Variants in COL17A1 observed in about 807,000 individuals in gnomAD.
The protein encoded by COL17A1 is collagen type XVII alpha 1 chain.
A neutral mutation model predicts 218.4 loss-of-function variants in COL17A1; 181 were observed. The ratio of observed to expected loss-of-function variants is 0.83; its 90% CI spans 0.73 to 0.94. The LOEUF is 0.94. COL17A1 is among the 40% of genes least tolerant of loss of function. COL17A1 has a pLI of 0.00. For synonymous variants in COL17A1, 721 were observed against 731.0 expected (o/e 0.99, Z 0.22); for missense variants, 1,924 against 1,945.9 (o/e 0.99, Z 0.21).
intron 8 of COL17A1, among the ~76,000 whole-genome samples, chr10:104,071,109 A>T (rs2086666024): frequency 6.6e-6 from 1 of 152,198 alleles, no homozygotes; most frequent in Admixed American, 6.5e-5. Context: ...AAAGTGGAGC[A>T]AGCTCCCTGT....
intron 5 of COL17A1, 97 bp from the exon 6 acceptor site, chr10:104,074,328 A>G: frequency 6.5e-7 from 1 of 1,547,658 alleles, no homozygotes; most frequent in Non-Finnish European, 8.9e-7. Flanking sequence ...CTGGACCTCC[A>G]CAGCCCTCAG....
chr10:104,074,094 A>G lies in COL17A1; in HGVS notation c.379+90T>C. 2.5e-6 allele frequency: 4 copies of G among 1,594,806 alleles called. No individual in the cohort carries two copies. The South Asian group carries it at 4.4e-5, about 18-fold the overall frequency. Reference sequence around the variant, plus strand: ...TTTAGAAGAATCCATTTAACTCATGAGGTCCCCTACTCCCACCACTTCATC... The same window carrying G: ...TTTAGAAGAATCCATTTAACTCATGGGGTCCCCTACTCCCACCACTTCATC... On this transcript the variant is annotated intron_variant, in intron 6 of 55. Coordinates refer to ENST00000648076, the MANE Select transcript of COL17A1 (RefSeq NM_000494.4).
At chr10:104,037,243 G>A (rs1320216709) in intron 46 of COL17A1, 130 bp from the exon 47 acceptor site, 22 of 829,624 alleles carry the variant, frequency 2.7e-5, no homozygotes, top group Admixed American at 2.0e-4. Flanking sequence ...GGAGTATTAC[G>A]AGGCTATTTT....
intron 29 of COL17A1, among the ~76,000 whole-genome samples, 190 bp downstream of exon 29, chr10:104,049,219 C>A (rs2086443195): frequency 6.6e-6 from 1 of 152,170 alleles, no homozygotes; most frequent in Non-Finnish European, 1.5e-5. Flanking sequence ...AAGAAACCCA[C>A]AGAGGTACCT....
At chr10:104,072,358 A>G (rs1012640876) in intron 7 of COL17A1, among the ~76,000 whole-genome samples, 5 of 152,186 alleles carry the variant, frequency 3.3e-5, no homozygotes, top group African/African-American at 9.7e-5. Context: ...ACAATCAGCA[A>G]TGGTCAATCC....
At chr10:104,047,698 ACACT>A (rs768404350) in intron 31 of COL17A1, 37 bp downstream of exon 31, 1 of 1,523,920 alleles carries the variant, frequency 6.6e-7, no homozygotes, top group Admixed American at 1.7e-5. Context: ...AAGCACACAC[ACACT>A]AAGCAGGGCC....
chr10:104,047,228 C>A (rs1169436689), intron 31 of COL17A1, among the ~76,000 whole-genome samples: 1 of 152,016 alleles, frequency 6.6e-6, no homozygotes, highest in East Asian at 1.9e-4. Context: ...TTTGTTCTTC[C>A]TGCAACCCTG....
At chr10:104,046,084 C>T (rs2086406327) in intron 32 of COL17A1, among the ~76,000 whole-genome samples, 1 of 152,206 alleles carries the variant, frequency 6.6e-6, no homozygotes, top group African/African-American at 2.4e-5. Flanking sequence ...CTGGAGCCTG[C>T]AGAGCAGCCT....
At chr10:104,041,188 G>A in intron 38 of COL17A1, 70 bp from the exon 39 acceptor site, 1 of 1,606,996 alleles carries the variant, frequency 6.2e-7, no homozygotes, top group East Asian at 2.2e-5. Flanking sequence ...TCAGGAGGAG[G>A]CAGCAGGGAA....
intron 23 of COL17A1, among the ~76,000 whole-genome samples, chr10:104,052,798 T>G (rs1384837998): frequency 6.6e-6 from 1 of 152,140 alleles, no homozygotes; most frequent in Non-Finnish European, 1.5e-5. Context: ...GTGACCACTT[T>G]CCCGGTGGAT....
chr10:104,054,166 C>A, intron 20 of COL17A1, 48 bp from the exon 21 acceptor site: 1 of 1,579,338 alleles, frequency 6.3e-7, no homozygotes. Context: ...GAAGACTGTG[C>A]CCAATTCCCA....
chr10:104,055,719 C>T, intron 18 of COL17A1, 63 bp downstream of exon 18: 1 of 1,599,694 alleles, frequency 6.3e-7, no homozygotes, highest in Non-Finnish European at 8.5e-7. Flanking sequence ...GCACACATAC[C>T]ACATAGATGC....
At position 104,034,240 on chromosome 10, in the gene COL17A1, G is replaced by T; in HGVS notation, c.3861C>A (p.Ser1287=). 1 of 1,610,982 alleles carries T rather than the reference G, an allele frequency of 6.2e-7. No individual in the cohort carries two copies. Among genetic ancestry groups the T allele is most frequent in the Non-Finnish European group, 8.5e-7 (1 of 1,179,394 alleles). The change falls in exon 52 of 56, where the codon TCC becomes TCA. Residue 1287 remains serine, a synonymous_variant. Transcript: ENST00000648076. Reference sequence around the variant, plus strand: ...AGGAGGAGCTGCTACCCCGACTGTGGGAGGCATCCGTGGACAGGAGGCGGC... The same window carrying T: ...AGGAGGAGCTGCTACCCCGACTGTGTGAGGCATCCGTGGACAGGAGGCGGC... ...GDSRLLSTDA[S]HSRGSSSSSH... is the part of the protein sequence containing the mutation.
chr10:104,060,135 A>G lies in COL17A1; in HGVS notation c.1125T>C (p.Pro375=), dbSNP rs754687061. Residue 375 remains proline, a synonymous_variant, in exon 14 of 56, where the codon CCT becomes CCC. Coordinates refer to ENST00000648076, the MANE Select transcript of COL17A1 (RefSeq NM_000494.4). ...KDSGKVFTAS[P]ASIAATSFSE... ...CTGACGCACTTGCAGCGATGCTGGCAGGGGAGGCTGTAAAGACCTTCCCGC... is the reference window on the plus strand; with the variant it reads ...CTGACGCACTTGCAGCGATGCTGGCGGGGGAGGCTGTAAAGACCTTCCCGC... 16 of 1,614,138 alleles carry G rather than the reference A, an allele frequency of 9.9e-6. No homozygotes were observed. The highest frequency in any genetic ancestry group is 1.3e-5 in the Non-Finnish European group (15 of 1,180,026).
intron 32 of COL17A1, among the ~76,000 whole-genome samples, chr10:104,046,096 T>C (rs1343435552): frequency 6.6e-6 from 1 of 152,214 alleles, no homozygotes; most frequent in Non-Finnish European, 1.5e-5. Flanking sequence ...GAGCAGCCTC[T>C]GTCTCCCTTC....
At chr10:104,063,875 A>C in intron 10 of COL17A1, 57 bp from the exon 11 acceptor site, 4 of 1,609,080 alleles carry the variant, frequency 2.5e-6, no homozygotes, top group Non-Finnish European at 3.4e-6. Context: ...ATAGGGATAG[A>C]GATTTGGATA....
At chr10:104,062,071 GC>G (rs2086587522) in intron 12 of COL17A1, among the ~76,000 whole-genome samples, 186 bp downstream of exon 12, 1 of 152,224 alleles carries the variant, frequency 6.6e-6, no homozygotes, top group Admixed American at 6.5e-5. Flanking sequence ...TGACAGGACA[GC>G]CTTCCCTGTG....
At chr10:104,081,412 C>G (rs1247721192) in intron 1 of COL17A1, among the ~76,000 whole-genome samples, 4 of 152,094 alleles carry the variant, frequency 2.6e-5, no homozygotes, top group Admixed American at 2.0e-4. Flanking sequence ...AAAAGAAAAC[C>G]AGTGCAATCT....
chr10:104,053,430 C>T (rs1440090424), intron 22 of COL17A1, among the ~76,000 whole-genome samples: 4 of 152,194 alleles, frequency 2.6e-5, no homozygotes, highest in Non-Finnish European at 5.9e-5. Flanking sequence ...TGCCTCCTCT[C>T]GGCCCATCCC....
Sources: allele counts gnomAD v4.1 joint callset (sites outside exome capture counted in the v4.1 genomes callset), GRCh38; gene constraint gnomAD v4.1.1; transcripts MANE v1.5; gene names NCBI Gene and HGNC (gene_info 2026-07-23, HGNC 2026-07-21).